ZNF469: variants seen among roughly 807,000 people sequenced by gnomAD.
ZNF469 encodes the protein zinc finger protein 469.
Under a neutral mutation model 1.0 loss-of-function variants are expected in ZNF469, and 1 was observed. The ratio of observed to expected loss-of-function variants is 1.00; its 90% CI spans 0.35 to 4.73. ZNF469 has a LOEUF of 4.73. ZNF469 is among the 30% of genes most tolerant of loss of function. ZNF469 has a pLI of 0.16. For missense variants in ZNF469, 6,100 were observed against 5,356.3 expected (o/e 1.14, Z -4.33); for synonymous variants, 2,703 against 2,363.4 (o/e 1.14, Z -4.17).
chr16:88,438,914 C>T lies in ZNF469; in HGVS notation c.11444C>T (p.Thr3815Met), dbSNP rs1057518368. The change falls in exon 3 of 3, where the codon ACG (threonine) becomes ATG (methionine). Residue 3815 changes from threonine to methionine, a missense_variant. By Grantham distance (81) the Thr-to-Met change is moderately conservative. Coordinates refer to ENST00000565624, the MANE Select transcript of ZNF469 (RefSeq NM_001367624.2). Reference sequence around the variant, plus strand: ...CCCAAGGAGAAGGGAGAGAGCAGTACGAAGAGGAAAAAGGGCCAGGTCCCA... The same window carrying T: ...CCCAAGGAGAAGGGAGAGAGCAGTATGAAGAGGAAAAAGGGCCAGGTCCCA... The part of the protein sequence containing the change: ...LGPKEKGESS[T>M]KRKKGQVPGP... 68 of 1,550,384 alleles carry T rather than the reference C, an allele frequency of 4.4e-5. No individual in the cohort carries two copies. The East Asian group carries it at 4.9e-4, about 11-fold the overall frequency.
rs1905757484 is a variant in ZNF469, at chr16:88,427,387, C to G, written c.-84C>G. 6.0e-6 allele frequency: 8 copies of G among 1,342,880 alleles called. No homozygotes were observed. The highest frequency in any genetic ancestry group is 7.9e-6 in the Non-Finnish European group (8 of 1,017,674). The allele number at this position is 1,342,880 out of a possible 1,614,324, so 83.2% of individuals were successfully genotyped here. ...GAGCGCAGGCTTCCCTGGGGCCCATCGAGGGCTGAGGATGGCCGTCCAGCC... is the reference window on the plus strand; with the variant it reads ...GAGCGCAGGCTTCCCTGGGGCCCATGGAGGGCTGAGGATGGCCGTCCAGCC... On this transcript the variant is annotated 5_prime_UTR_variant, in exon 3 of 3. The change creates a new upstream start codon in the 5' untranslated region. Coordinates refer to ENST00000565624, the MANE Select transcript of ZNF469 (RefSeq NM_001367624.2).
At chr16:88,276,347 C>G in the ZNF469 span, 1 of 152,242 alleles carries the variant, frequency 6.6e-6, no homozygotes, top group Non-Finnish European at 1.5e-5. Context: ...TTCAGACAAG[C>G]GCCATCAAGC....
chr16:88,429,217 G>A lies in ZNF469; in HGVS notation c.1747G>A (p.Val583Ile), dbSNP rs1905937327. The change falls in exon 3 of 3, where the codon GTA (valine) becomes ATA (isoleucine). Residue 583 changes from valine to isoleucine, a missense_variant. Physicochemically the swap from Val to Ile is conservative, Grantham distance 29. Transcript: ENST00000565624. ...GACACCCAGCCTGCCCCCACCGAGG[G>A]TAGTGGGAGCCTCCCCCAGCGAGTC... ...HGTPSLPPPRVVGASPSESPL... is the reference protein window; with the variant it reads ...HGTPSLPPPRIVGASPSESPL... 3.2e-6 allele frequency: 5 copies of A among 1,549,530 alleles called. No homozygotes were observed. The highest frequency in any genetic ancestry group is 1.4e-5 in the African/African-American group (1 of 72,944).
chr16:88,359,243 C>A, the ZNF469 span, among the ~76,000 whole-genome samples: 391 of 141,748 alleles, frequency 2.8e-3, 1 homozygote, highest in African/African-American at 9.9e-3. Context: ...TGCTTCTGAG[C>A]GTCCCGGGGG....
In ZNF469 at chr16:88,431,159, C is replaced by T; in HGVS notation, c.3689C>T (p.Thr1230Ile). The stretch of plus-strand genomic sequence containing the variant: ...CCCCAGGAGGCCAAGGAGCCTGAAA[C>T]TGCCGAAGAGTCAGCCCCGGACAGC... ...DFPQEAKEPE[T>I]AEESAPDSTE... is the part of the protein sequence containing the mutation. Residue 1230 changes from threonine (T) to isoleucine (I), a missense_variant, in exon 3 of 3, where the codon ACT becomes ATT. Transcript: ENST00000565624. 1 of 1,550,360 alleles carries T rather than the reference C, an allele frequency of 6.5e-7. No individual in the cohort carries two copies. Among genetic ancestry groups the T allele is most frequent in the South Asian group, 1.2e-5 (1 of 84,066 alleles).
At chr16:88,365,789 A>G in the ZNF469 span, among the ~76,000 whole-genome samples, 24,325 of 152,128 alleles carry the variant, frequency 0.16, 2,463 homozygotes, top group East Asian at 0.43. Flanking sequence ...GGTCGGGGTA[A>G]GTGAGGGAGT....
the ZNF469 span, among the ~76,000 whole-genome samples, chr16:88,341,734 C>A: frequency 6.6e-6 from 1 of 152,106 alleles, no homozygotes; most frequent in Non-Finnish European, 1.5e-5. Context: ...CGTCCACAGA[C>A]TGGGGGTGGG....
the ZNF469 span, among the ~76,000 whole-genome samples, chr16:88,197,070 A>G: frequency 1.3e-5 from 2 of 152,164 alleles, no homozygotes; most frequent in Non-Finnish European, 2.9e-5. Flanking sequence ...GTTTTCAGGG[A>G]TGCTTCTGGC....
At chr16:88,278,577 G>A in the ZNF469 span, among the ~76,000 whole-genome samples, 3 of 119,670 alleles carry the variant, frequency 2.5e-5, no homozygotes, top group Non-Finnish European at 3.6e-5. Context: ...GTACCATGTA[G>A]ATATCATTAG....
chr16:88,103,933 C>T, the ZNF469 span, among the ~76,000 whole-genome samples: 2 of 151,874 alleles, frequency 1.3e-5, no homozygotes, highest in African/African-American at 4.8e-5. Flanking sequence ...GAATAATCCT[C>T]CGTGGCACGA....
chr16:88,252,820 G>A, the ZNF469 span, among the ~76,000 whole-genome samples: 2 of 152,064 alleles, frequency 1.3e-5, no homozygotes, highest in Non-Finnish European at 2.9e-5. Flanking sequence ...GACATAGAAC[G>A]TTTTTCACCC....
the ZNF469 span, among the ~76,000 whole-genome samples, chr16:88,251,811 G>C: frequency 2.6e-5 from 4 of 151,394 alleles, no homozygotes; most frequent in South Asian, 8.4e-4. Context: ...CACCTGCCTC[G>C]GCCTCCCAGA....
chr16:88,383,234 G>A lies in ZNF469; in HGVS notation c.-212G>A, dbSNP rs780468853. On this transcript the variant is annotated 5_prime_UTR_variant, in exon 1 of 3. Coordinates refer to ENST00000565624, the MANE Select transcript of ZNF469 (RefSeq NM_001367624.2). ...GTTGGCGGCGGCCGGCGTGGCGGGC[G>A]GAGCGGGCCTCGGAGCGGAGGTGAG... Among the ~76,000 whole-genome samples, 342 of 147,318 alleles carry A rather than the reference G, an allele frequency of 2.3e-3. 1 individual carries two copies. Among genetic ancestry groups the A allele is most frequent in the Non-Finnish European group, 4.3e-3 (282 of 66,044 alleles).
intron 1 of ZNF469, among the ~76,000 whole-genome samples, chr16:88,383,933 CG>C (rs1466074955): frequency 6.6e-6 from 1 of 152,196 alleles, no homozygotes; most frequent in Non-Finnish European, 1.5e-5. Context: ...CGCGTGGCGG[CG>C]GCCGGAAGGG....
the ZNF469 span, among the ~76,000 whole-genome samples, chr16:88,313,474 C>T: frequency 9.8e-4 from 149 of 152,318 alleles, 1 homozygote; most frequent in Middle Eastern, 3.4e-3. Flanking sequence ...GTAATTAAGA[C>T]GATGCTGGTG....
At chr16:88,340,951 C>T in the ZNF469 span, among the ~76,000 whole-genome samples, 1 of 151,972 alleles carries the variant, frequency 6.6e-6, no homozygotes, top group Non-Finnish European at 1.5e-5. Context: ...GTAGCAAGGA[C>T]CCTGCAGAGA....
Position 88,429,189 on chromosome 16 carries a change from C to T in ZNF469, c.1719C>T (p.His573=), listed in dbSNP as rs552893295. The part of the protein sequence containing the change: ...FGVAQPQVSP[H]GTPSLPPPRV... ...TGGCCCAGCCCCAGGTTTCACCCCA[C>T]GGGACACCCAGCCTGCCCCCACCGA... Residue 573 remains histidine, a synonymous_variant, in exon 3 of 3, where the codon CAC becomes CAT. Coordinates refer to ENST00000565624, the MANE Select transcript of ZNF469 (RefSeq NM_001367624.2). 83 of 1,549,888 alleles carry T rather than the reference C, an allele frequency of 5.4e-5. No homozygotes were observed. The highest frequency in any genetic ancestry group is 9.8e-5 in the Admixed American group (5 of 51,010).
the ZNF469 span, among the ~76,000 whole-genome samples, chr16:88,248,802 C>T: frequency 1.3e-5 from 2 of 152,310 alleles, no homozygotes; most frequent in East Asian, 3.9e-4. Flanking sequence ...CCAGTAGTAG[C>T]AGAGCGGGGA....
intron 1 of ZNF469, among the ~76,000 whole-genome samples, chr16:88,385,642 CAA>C (rs66861611): frequency 8.3e-4 from 111 of 133,148 alleles, no homozygotes; most frequent in East Asian, 1.8e-3. Context: ...GACTCTGTCT[CAA>C]AAAAAAAAAA....
Sources: gnomAD v4.1 joint callset for allele counts (sites outside exome capture counted in the v4.1 genomes callset) on GRCh38, gnomAD v4.1.1 for gene constraint, MANE v1.5 for transcripts, NCBI Gene and HGNC (gene_info 2026-07-23, HGNC 2026-07-21) for gene names.